The following YPEL4 variants were observed in gnomAD, a reference collection of about 807,000 sequenced individuals.
YPEL4 encodes yippee like 4.
A neutral mutation model predicts 16.3 loss-of-function variants in YPEL4; 5 were observed. The ratio of observed to expected loss-of-function variants is 0.31; its 90% CI spans 0.16 to 0.64. The LOEUF (loss-of-function observed/expected upper bound fraction) is 0.64. Ranked by LOEUF, YPEL4 falls within the 30% of genes least tolerant of loss-of-function variation. YPEL4 has a pLI of 0.79. For missense variants in YPEL4, 127 were observed against 170.0 expected (o/e 0.75, Z 1.41); for synonymous variants, 61 against 60.7 (o/e 1.00, Z -0.02).
intron 1 of YPEL4, chr11:57,649,312 T>TC (rs1219713158): frequency 6.6e-6 from 1 of 152,076 alleles, no homozygotes; most frequent in Non-Finnish European, 1.5e-5. Context: ...GGACACCTGC[T>TC]CACAATGGAT....
intron 2 of YPEL4, 21 bp from the exon 3 acceptor site, chr11:57,646,815 C>T (rs544556938): frequency 3.8e-5 from 62 of 1,613,522 alleles, no homozygotes; most frequent in Middle Eastern, 1.6e-4. Flanking sequence ...ATAGGACAGA[C>T]AATGACTACC....
chr11:57,646,116 C>T, intron 4 of YPEL4, 46 bp from the exon 5 acceptor site: 1 of 1,608,558 alleles, frequency 6.2e-7, no homozygotes, highest in Non-Finnish European at 8.5e-7. Context: ...CAGTTTCCTT[C>T]CAGGCCCCAC....
At chr11:57,646,597 T>A (rs1198323355) in intron 3 of YPEL4, 154 bp downstream of exon 3, 1 of 1,264,324 alleles carries the variant, frequency 7.9e-7, no homozygotes, top group Non-Finnish European at 1.1e-6. Flanking sequence ...CGGCTCCCCA[T>A]GTGAGAACTT....
rs758581663 is a variant in YPEL4 at position 57,647,053 on chromosome 11, G to A, written c.55C>T (p.Arg19Cys). The change falls in exon 2 of 5, where the codon CGC (arginine) becomes TGC (cysteine). Residue 19 changes from arginine (R) to cysteine (C), a missense_variant. Coordinates refer to ENST00000300022, the MANE Select transcript of YPEL4 (RefSeq NM_145008.3). This position sits in a 1 kb window ranked among gnomAD's most constrained non-coding sequence, Gnocchi z 4.2. ...CGGTGACAGCGGGGCAGATAGCTGCGGAAAGTCTTGGTGGGGAGGCAGGCA... is the reference window on the plus strand; with the variant it reads ...CGGTGACAGCGGGGCAGATAGCTGCAGAAAGTCTTGGTGGGGAGGCAGGCA... ...GPACLPTKTF[R>C]SYLPRCHRTY... 7 of 1,596,912 alleles carry A rather than the reference G, an allele frequency of 4.4e-6. No individual in the cohort carries two copies. The highest frequency in any genetic ancestry group is 1.8e-5 in the Admixed American group (1 of 55,512).
Position 57,647,574 on chromosome 11 carries a change from C to T in YPEL4, c.-184-283G>A, listed in dbSNP as rs113257766. 4,271 of 153,876 alleles carry T rather than the reference C, an allele frequency of 0.028. 85 individuals carry two copies. The highest frequency in any genetic ancestry group is 0.037 in the Non-Finnish European group (2,570 of 69,240). The allele number at this position is 153,876 out of a possible 1,614,324, so 9.5% of individuals were successfully genotyped here. On this transcript the variant is annotated intron_variant, in intron 1 of 4. Coordinates refer to ENST00000300022, the MANE Select transcript of YPEL4 (RefSeq NM_145008.3). This position sits in a 1 kb window ranked among gnomAD's most constrained non-coding sequence, Gnocchi z 4.2. ...ACCATTTTCCACAGAGAGAAGCCCA[C>T]GGGCACAGACGCTGCCATGGGAGCA...
chr11:57,645,921 T>A lies in YPEL4; in HGVS notation c.*60A>T, dbSNP rs1249068232. On this transcript the variant is annotated 3_prime_UTR_variant, in exon 5 of 5. Coordinates refer to ENST00000300022, the MANE Select transcript of YPEL4 (RefSeq NM_145008.3). Reference sequence around the variant, plus strand: ...CAGTACTCATGCTGGTATAGACTGCTTGGCAGGGCCGTGGGGAGGGAGGGG... The same window carrying A: ...CAGTACTCATGCTGGTATAGACTGCATGGCAGGGCCGTGGGGAGGGAGGGG... 4 of 1,573,376 alleles carry A rather than the reference T, an allele frequency of 2.5e-6. No individual in the cohort carries two copies. Among genetic ancestry groups the A allele is most frequent in the Non-Finnish European group, 3.5e-6 (4 of 1,149,874 alleles).
At chr11:57,646,550 G>A in intron 3 of YPEL4, 145 bp from the exon 4 acceptor site, 1 of 1,192,784 alleles carries the variant, frequency 8.4e-7, no homozygotes, top group Non-Finnish European at 1.2e-6. Flanking sequence ...TAGAGCCTGG[G>A]CCTTCTTTTT....
chr11:57,646,239 C>A, intron 4 of YPEL4, 58 bp downstream of exon 4: 1 of 1,596,764 alleles, frequency 6.3e-7, no homozygotes, highest in Non-Finnish European at 8.6e-7. Flanking sequence ...GTCACTGGTG[C>A]TTGAAGGGCC....
chr11:57,646,348 C>G lies in YPEL4; in HGVS notation c.243G>C (p.Ser81=). 1.9e-6 allele frequency: 3 copies of G among 1,614,144 alleles called. No individual in the cohort carries two copies. Among genetic ancestry groups the G allele is most frequent in the Non-Finnish European group, 2.5e-6 (3 of 1,180,030 alleles). ...EQRLLLTGLH[S]VADIFCESCK... ...AGCTCTCACAGAAAATGTCAGCTACCGAGTGGAGCCCCGTGAGCAAGAGGC... is the reference window on the plus strand; with the variant it reads ...AGCTCTCACAGAAAATGTCAGCTACGGAGTGGAGCCCCGTGAGCAAGAGGC... Residue 81 remains serine (S), a synonymous_variant, in exon 4 of 5, where the codon TCG becomes TCC. Transcript: ENST00000300022.
At chr11:57,646,853 T>G in intron 2 of YPEL4, 59 bp from the exon 3 acceptor site, 1 of 1,608,144 alleles carries the variant, frequency 6.2e-7, no homozygotes, top group Non-Finnish European at 8.5e-7. Flanking sequence ...ACTGCCTGAA[T>G]CCCCGCAGGG....
rs1175656416 is a variant in YPEL4, at chr11:57,645,095, C to CT, written c.*885dup. 1 of 152,128 alleles carries CT rather than the reference C, an allele frequency of 6.6e-6. No individual in the cohort carries two copies. The highest frequency in any genetic ancestry group is 1.5e-5 in the Non-Finnish European group (1 of 68,040). The allele number at this position is 152,128 out of a possible 1,614,324, so 9.4% of individuals were successfully genotyped here. A position where few individuals can be genotyped will look rare whatever the true frequency, so the allele number is the denominator to read the frequency against. ...TCAGAGGACAGGTTGCCTCAAGTTG[C>CT]TTTTTCCCTTTTTATTAAAAATAGA... On this transcript the variant is annotated 3_prime_UTR_variant, in exon 5 of 5. Transcript: ENST00000300022.
At position 57,645,917 on chromosome 11, in the gene YPEL4, C is replaced by A; in HGVS notation, c.*64G>T. ...GGGGCAGTACTCATGCTGGTATAGACTGCTTGGCAGGGCCGTGGGGAGGGA... is the reference window on the plus strand; with the variant it reads ...GGGGCAGTACTCATGCTGGTATAGAATGCTTGGCAGGGCCGTGGGGAGGGA... On this transcript the variant is annotated 3_prime_UTR_variant, in exon 5 of 5. Coordinates refer to ENST00000300022, the MANE Select transcript of YPEL4 (RefSeq NM_145008.3). The A allele has an allele frequency of 6.4e-7, 1 of 1,558,062 alleles. No individual in the cohort carries two copies. The highest frequency in any genetic ancestry group is 1.7e-5 in the Admixed American group (1 of 59,334).
Position 57,645,705 on chromosome 11 carries a change from A to G in YPEL4, c.*276T>C, listed in dbSNP as rs760581935. 1 of 457,774 alleles carries G rather than the reference A, an allele frequency of 2.2e-6. No homozygotes were observed. The highest frequency in any genetic ancestry group is 3.4e-5 in the South Asian group (1 of 29,414). The allele number at this position is 457,774 out of a possible 1,614,324, so 28.4% of individuals were successfully genotyped here. A position where few individuals can be genotyped will look rare whatever the true frequency, so the allele number is the denominator to read the frequency against. On this transcript the variant is annotated 3_prime_UTR_variant, in exon 5 of 5. Transcript: ENST00000300022. ...ATGCCCTGCCATCGCTTCCATGTTC[A>G]GGATCTTGGGAACAGAAAGACCCAC...
At chr11:57,646,450 CTG>C in intron 3 of YPEL4, 45 bp from the exon 4 acceptor site, 5 of 1,608,112 alleles carry the variant, frequency 3.1e-6, no homozygotes, top group Non-Finnish European at 4.3e-6. Flanking sequence ...TGGGGTTGCA[CTG>C]TCAGTCCAGT....
In YPEL4 at chr11:57,646,855, C is replaced by T. The variant is rs1945736080; in HGVS notation, c.142-61G>A. On this transcript the variant is annotated intron_variant, in intron 2 of 4. Coordinates refer to ENST00000300022, the MANE Select transcript of YPEL4 (RefSeq NM_145008.3). Reference sequence around the variant, plus strand: ...AGCCTTCAGCCCCACTGCCTGAATCCCCGCAGGGGTGTGTAGGAGAGAGGA... The same window carrying T: ...AGCCTTCAGCCCCACTGCCTGAATCTCCGCAGGGGTGTGTAGGAGAGAGGA... 7.5e-6 allele frequency: 12 copies of T among 1,607,388 alleles called. No individual in the cohort carries two copies. In the East Asian group the frequency reaches 1.3e-4, roughly 18 times the overall value.
chr11:57,648,064 G>A (rs1364123350), intron 1 of YPEL4: 1 of 152,170 alleles, frequency 6.6e-6, no homozygotes, highest in Non-Finnish European at 1.5e-5. Context: ...TAAAGACTTA[G>A]GCAGAAAATA....
chr11:57,646,530 C>A, intron 3 of YPEL4, 125 bp from the exon 4 acceptor site: 1 of 1,238,852 alleles, frequency 8.1e-7, no homozygotes, highest in East Asian at 2.5e-5. Context: ...ATAATCCACC[C>A]CTTTAAGACT....
chr11:57,647,641 G>C lies in YPEL4; in HGVS notation c.-184-350C>G, dbSNP rs1020981894. 1 of 152,600 alleles carries C rather than the reference G, an allele frequency of 6.6e-6. No individual in the cohort carries two copies. The highest frequency in any genetic ancestry group is 2.4e-5 in the African/African-American group (1 of 41,458). 9.5% of individuals were successfully genotyped at this position (152,600 alleles called of 1,614,324 possible). On this transcript the variant is annotated intron_variant, in intron 1 of 4. Coordinates refer to ENST00000300022, the MANE Select transcript of YPEL4 (RefSeq NM_145008.3). This position sits in a 1 kb window ranked among gnomAD's most constrained non-coding sequence, Gnocchi z 4.2. ...CCCTCTCCTTGGTTTTCAGTTCTTC[G>C]TGAGGCTCTGCATCGCACAGGCACT...
chr11:57,647,312 A>G lies in YPEL4; in HGVS notation c.-184-21T>C. ...GTCACCTGGGAAGAGGGGAAAGGAC[A>G]TCAGGGGAGCTGCGACCTCAGGAGG... On this transcript the variant is annotated intron_variant, in intron 1 of 4. Coordinates refer to ENST00000300022, the MANE Select transcript of YPEL4 (RefSeq NM_145008.3). This position sits in a 1 kb window ranked among gnomAD's most constrained non-coding sequence, Gnocchi z 4.2. The G allele has an allele frequency of 1.6e-6, 1 of 623,242 alleles. No homozygotes were observed. Among genetic ancestry groups the G allele is most frequent in the South Asian group, 3.0e-5 (1 of 33,742 alleles). The allele number at this position is 623,242 out of a possible 1,614,324, so 38.6% of individuals were successfully genotyped here. A position where few individuals can be genotyped will look rare whatever the true frequency, so the allele number is the denominator to read the frequency against.
Sources: gnomAD v4.1 joint callset for allele counts on GRCh38, gnomAD v4.1.1 for gene constraint, Gnocchi (gnomAD v3.1) non-coding constraint, MANE v1.5 for transcripts, NCBI Gene and HGNC (gene_info 2026-07-23, HGNC 2026-07-21) for gene names.